The following FHIP1A variants were observed in gnomAD, a reference collection of about 807,000 sequenced individuals.
FHIP1A encodes the protein FHF complex subunit HOOK interacting protein 1A.
In FHIP1A, 61 loss-of-function variants were observed where a neutral mutation model predicts 88.6. The ratio of observed to expected loss-of-function variants is 0.69; its 90% CI spans 0.56 to 0.85. The LOEUF is 0.85. Among genes scored for constraint, FHIP1A ranks in the 40% least tolerant of loss-of-function variants. FHIP1A has a pLI of 0.00. For missense variants in FHIP1A, 1,154 were observed against 1,273.5 expected (o/e 0.91, Z 1.43); for synonymous variants, 478 against 496.0 (o/e 0.96, Z 0.48).
intron 7 of FHIP1A, among the ~76,000 whole-genome samples, chr4:151,615,873 G>A (rs545621165): frequency 2.3e-4 from 35 of 152,286 alleles, no homozygotes; most frequent in African/African-American, 6.5e-4. Flanking sequence ...GTTTGGTGTG[G>A]AGTTTGGACA....
intron 5 of FHIP1A, among the ~76,000 whole-genome samples, chr4:151,583,933 T>A (rs1734114714): frequency 6.6e-6 from 1 of 152,170 alleles, no homozygotes. Flanking sequence ...CCTGATTTTT[T>A]AAAAAGAGAT....
intron 11 of FHIP1A, among the ~76,000 whole-genome samples, chr4:151,651,299 A>G (rs1737022418): frequency 6.6e-6 from 1 of 152,254 alleles, no homozygotes; most frequent in African/African-American, 2.4e-5. Flanking sequence ...GCAGATTAGG[A>G]TGAGGAATTA....
At chr4:151,612,526 G>A (rs1303361567) in intron 7 of FHIP1A, among the ~76,000 whole-genome samples, 2 of 152,126 alleles carry the variant, frequency 1.3e-5, no homozygotes, top group South Asian at 2.1e-4. Flanking sequence ...GATTACAAGT[G>A]TGCACCACTA....
intron 2 of FHIP1A, among the ~76,000 whole-genome samples, chr4:151,455,344 A>G (rs28712248): frequency 1.2e-4 from 19 of 152,184 alleles, no homozygotes; most frequent in South Asian, 8.3e-4. Context: ...AACCTTGCCA[A>G]TGCTTTATAG....
At chr4:151,585,141 A>G (rs1560783464) in intron 5 of FHIP1A, among the ~76,000 whole-genome samples, 1 of 150,964 alleles carries the variant, frequency 6.6e-6, no homozygotes, top group South Asian at 2.1e-4. Flanking sequence ...GGCCATTGTC[A>G]CCTCAGGGTT....
At chr4:151,583,146 T>C (rs1734085800) in intron 5 of FHIP1A, among the ~76,000 whole-genome samples, 1 of 152,200 alleles carries the variant, frequency 6.6e-6, no homozygotes, top group African/African-American at 2.4e-5. Context: ...ATATGTGCAG[T>C]CTGGGTGAAT....
rs1737792120 is a variant in FHIP1A, at chr4:151,669,732, A to G, written c.*6978A>G. 1 of 152,176 alleles carries G rather than the reference A, an allele frequency of 6.6e-6. No homozygotes were observed. The highest frequency in any genetic ancestry group is 1.5e-5 in the Non-Finnish European group (1 of 68,036). The allele number at this position is 152,176 out of a possible 1,614,324, so 9.4% of individuals were successfully genotyped here. ...TGCGGGGCACCTGGCTTCCCGGGTA[A>G]GGTCACATAGTCTCTTAAAATTCTG... On this transcript the variant is annotated 3_prime_UTR_variant, in exon 14 of 14. Coordinates refer to ENST00000435205, the MANE Select transcript of FHIP1A (RefSeq NM_001109977.3).
chr4:151,441,566 T>C (rs1472597319), intron 1 of FHIP1A, among the ~76,000 whole-genome samples: 2 of 152,194 alleles, frequency 1.3e-5, no homozygotes, highest in Non-Finnish European at 2.9e-5. Flanking sequence ...TATACATACA[T>C]ACTCTATCTC....
intron 4 of FHIP1A, among the ~76,000 whole-genome samples, chr4:151,568,144 A>G (rs1000090944): frequency 1.4e-4 from 22 of 152,300 alleles, no homozygotes; most frequent in African/African-American, 2.9e-4. Flanking sequence ...TTGAAAGACT[A>G]TTGGTCCCAG....
At chr4:151,608,869 C>G (rs1354824460) in intron 7 of FHIP1A, among the ~76,000 whole-genome samples, 1 of 152,152 alleles carries the variant, frequency 6.6e-6, no homozygotes, top group African/African-American at 2.4e-5. Flanking sequence ...TTTCATATAA[C>G]TTAAGACTTA....
intron 2 of FHIP1A, among the ~76,000 whole-genome samples, chr4:151,470,831 C>T (rs1169354986): frequency 1.3e-5 from 2 of 152,048 alleles, no homozygotes; most frequent in Admixed American, 6.6e-5. Context: ...AATATCTTTG[C>T]CCTTTGCATC....
intron 3 of FHIP1A, among the ~76,000 whole-genome samples, chr4:151,528,748 A>G (rs1278991992): frequency 6.6e-6 from 1 of 151,972 alleles, no homozygotes; most frequent in African/African-American, 2.4e-5. Flanking sequence ...TTCTTTTTTC[A>G]TTCCTTAATG....
intron 8 of FHIP1A, among the ~76,000 whole-genome samples, chr4:151,636,347 GA>G (rs1736351704): frequency 6.6e-6 from 1 of 151,960 alleles, no homozygotes; most frequent in Non-Finnish European, 1.5e-5. Context: ...TTTTCACTAA[GA>G]TAAGGAAGAA....
chr4:151,584,773 C>T (rs1426374858), intron 5 of FHIP1A, among the ~76,000 whole-genome samples: 3 of 152,160 alleles, frequency 2.0e-5, no homozygotes, highest in African/African-American at 7.2e-5. Flanking sequence ...TACTGTGCTT[C>T]TCTTAGTTCC....
At chr4:151,484,202 C>T (rs1442954001) in intron 3 of FHIP1A, among the ~76,000 whole-genome samples, 1 of 152,166 alleles carries the variant, frequency 6.6e-6, no homozygotes, top group Non-Finnish European at 1.5e-5. Flanking sequence ...GAATTAGCCA[C>T]TCATGAATCC....
chr4:151,650,653 A>T, intron 11 of FHIP1A, 61 bp downstream of exon 11: 1 of 1,472,048 alleles, frequency 6.8e-7, no homozygotes, highest in Non-Finnish European at 9.0e-7. Context: ...ATATTGGAAC[A>T]GGAAAGGAAG....
At chr4:151,632,574 C>G (rs1264162322) in intron 8 of FHIP1A, among the ~76,000 whole-genome samples, 2 of 152,166 alleles carry the variant, frequency 1.3e-5, no homozygotes, top group South Asian at 2.1e-4. Flanking sequence ...CAGGATAGAC[C>G]ACTTGTTAGG....
At chr4:151,569,519 T>G (rs533597197) in intron 4 of FHIP1A, among the ~76,000 whole-genome samples, 57 of 151,522 alleles carry the variant, frequency 3.8e-4, no homozygotes, top group African/African-American at 1.4e-3. Context: ...GCCACTGCAC[T>G]CCAGCCTGGG....
intron 5 of FHIP1A, among the ~76,000 whole-genome samples, chr4:151,585,181 CT>C (rs143128573): frequency 4.7e-5 from 7 of 148,550 alleles, no homozygotes; most frequent in East Asian, 2.0e-4. Flanking sequence ...TTGTAGCTGG[CT>C]TTTTTTTTTC....
Sources: allele counts gnomAD v4.1 joint callset (sites outside exome capture counted in the v4.1 genomes callset), GRCh38; gene constraint gnomAD v4.1.1; transcripts MANE v1.5; gene names NCBI Gene and HGNC (gene_info 2026-07-23, HGNC 2026-07-21).